The following WDFY3 variants were observed in gnomAD, a reference collection of about 807,000 sequenced individuals.
WDFY3 encodes the protein WD repeat and FYVE domain-containing protein 3.
WDFY3 carries 66 observed loss-of-function variants against 409.6 expected under a neutral mutation model. The observed-to-expected ratio is 0.16, with a 90% CI of 0.13 to 0.20. The LOEUF is 0.20. Ranked by LOEUF, WDFY3 falls within the 10% of genes least tolerant of loss-of-function variation. The pLI is 1.00. For missense variants in WDFY3, 3,031 were observed against 4,298.1 expected (o/e 0.71, Z 8.24); for synonymous variants, 1,521 against 1,537.1 (o/e 0.99, Z 0.25).
intron 30 of WDFY3, among the ~76,000 whole-genome samples, chr4:84,767,384 G>A (rs76082498): frequency 2.2e-3 from 336 of 151,850 alleles, no homozygotes; most frequent in African/African-American, 7.8e-3. Flanking sequence ...CAATAATATC[G>A]AAATTAGACT....
At chr4:84,873,757 T>C (rs1325378731) in intron 3 of WDFY3, among the ~76,000 whole-genome samples, 1 of 151,912 alleles carries the variant, frequency 6.6e-6, no homozygotes, top group Non-Finnish European at 1.5e-5. Context: ...GACTGGTGTC[T>C]TGTTCGTTTT....
Position 84,850,031 on chromosome 4 carries a change from G to A in WDFY3, c.181-6C>T, listed in dbSNP as rs1444194220. 1 of 1,570,868 alleles carries A rather than the reference G, an allele frequency of 6.4e-7. No individual in the cohort carries two copies. Among genetic ancestry groups the A allele is most frequent in the South Asian group, 1.2e-5 (1 of 83,586 alleles). ...GGCGGAGCATTTCCAAAAACCTGTA[G>A]ATAAGAAAAGACATTGTTAATGAAG... is the stretch of plus-strand genomic sequence containing the variant. On this transcript the variant is annotated splice_region_variant and splice_polypyrimidine_tract_variant and intron_variant, in intron 4 of 67. Coordinates refer to ENST00000295888, the MANE Select transcript of WDFY3 (RefSeq NM_014991.6).
intron 17 of WDFY3, among the ~76,000 whole-genome samples, chr4:84,798,990 A>C (rs1750004415): frequency 6.6e-6 from 1 of 152,188 alleles, no homozygotes; most frequent in Non-Finnish European, 1.5e-5. Flanking sequence ...TCCCGCAATC[A>C]TAAATTCTAC....
intron 24 of WDFY3, among the ~76,000 whole-genome samples, chr4:84,785,162 T>C (rs918477028): frequency 2.6e-5 from 4 of 152,050 alleles, no homozygotes; most frequent in African/African-American, 9.7e-5. Flanking sequence ...TCAGAGCCAA[T>C]GTCTTTACAA....
chr4:84,785,358 C>T (rs1239178438), intron 24 of WDFY3, among the ~76,000 whole-genome samples: 3 of 152,088 alleles, frequency 2.0e-5, no homozygotes, highest in Admixed American at 1.3e-4. Context: ...ATAGGTATAT[C>T]CCATGCTCCC....
At chr4:84,825,394 T>C (rs1578694423) in intron 10 of WDFY3, among the ~76,000 whole-genome samples, 1 of 140,352 alleles carries the variant, frequency 7.1e-6, no homozygotes, top group Non-Finnish European at 1.5e-5. Context: ...AGAAAGGGGG[T>C]CTTGCTCTGT....
At chr4:84,787,430 T>C (rs973838232) in intron 23 of WDFY3, 52 bp downstream of exon 23, 270 of 1,537,590 alleles carry the variant, frequency 1.8e-4, no homozygotes, top group Non-Finnish European at 2.3e-4. Context: ...TGCATCTATA[T>C]TGCAGGAGTT....
chr4:84,911,814 G>T (rs1767833979), intron 2 of WDFY3, among the ~76,000 whole-genome samples: 1 of 152,076 alleles, frequency 6.6e-6, no homozygotes, highest in African/African-American at 2.4e-5. Flanking sequence ...AAGTTAAAAT[G>T]TATCAAGACT....
intron 30 of WDFY3, among the ~76,000 whole-genome samples, chr4:84,769,029 T>C: frequency 6.6e-6 from 1 of 152,180 alleles, no homozygotes; most frequent in African/African-American, 2.4e-5. Flanking sequence ...AAGAAGTAAC[T>C]GCAGATGTGG....
chr4:84,829,805 G>C (rs931805923), intron 8 of WDFY3, among the ~76,000 whole-genome samples: 8 of 24,586 alleles, frequency 3.3e-4, no homozygotes, highest in African/African-American at 1.4e-3. Flanking sequence ...GAGCGAGACT[G>C]TCTCAAAATA....
Position 84,725,657 on chromosome 4 carries a change from T to A in WDFY3, c.7273-1063A>T, listed in dbSNP as rs182362245. Among the ~76,000 whole-genome samples, 167 of 152,296 alleles carry A rather than the reference T, an allele frequency of 1.1e-3. 2 individuals are homozygous for A. Among genetic ancestry groups the A allele is most frequent in the African/African-American group, 3.8e-3 (156 of 41,562 alleles). ...TTCCCCTTCTAAATATGACTTTACT[T>A]TCCTATAAACAAGAATATATAATTT... On this transcript the variant is annotated intron_variant, in intron 45 of 67. Transcript: ENST00000295888.
chr4:84,738,455 A>G (rs923946819), intron 40 of WDFY3, among the ~76,000 whole-genome samples: 1 of 152,066 alleles, frequency 6.6e-6, no homozygotes, highest in Non-Finnish European at 1.5e-5. Flanking sequence ...AAAAAAATTA[A>G]GCCAGGCGTG....
rs142161545 is a variant in WDFY3 at position 84,874,519 on chromosome 4, C to A, written c.-31-13897G>T. Among the ~76,000 whole-genome samples, 176 of 152,262 alleles carry A rather than the reference C, an allele frequency of 1.2e-3. 1 individual carries two copies. Among genetic ancestry groups the A allele is most frequent in the African/African-American group, 3.3e-3 (137 of 41,558 alleles). ...TAAATTAAAATACAATTTTCAGCAT[C>A]ATTTACCAGTAAGCCACCACCTCTT... On this transcript the variant is annotated intron_variant, in intron 3 of 67. Coordinates refer to ENST00000295888, the MANE Select transcript of WDFY3 (RefSeq NM_014991.6).
At chr4:84,696,253 G>C in intron 57 of WDFY3, 71 bp from the exon 58 acceptor site, 2 of 1,438,572 alleles carry the variant, frequency 1.4e-6, no homozygotes, top group Non-Finnish European at 1.9e-6. Flanking sequence ...AAAAACCTTG[G>C]TAAGTGGTTA....
intron 10 of WDFY3, among the ~76,000 whole-genome samples, chr4:84,822,305 A>G (rs1424937754): frequency 6.6e-6 from 1 of 152,200 alleles, no homozygotes; most frequent in African/African-American, 2.4e-5. Flanking sequence ...AGTATATGGC[A>G]TTTCCAAGTA....
intron 32 of WDFY3, among the ~76,000 whole-genome samples, chr4:84,760,436 G>T (rs1196610869): frequency 1.3e-5 from 2 of 152,016 alleles, no homozygotes; most frequent in African/African-American, 2.4e-5. Flanking sequence ...TCTGGTCCTG[G>T]ACTCTTTTTG....
In WDFY3 at chr4:84,786,095, A is replaced by G; in HGVS notation, c.3946T>C (p.Leu1316=). 4 of 1,613,310 alleles carry G rather than the reference A, an allele frequency of 2.5e-6. No individual in the cohort carries two copies. The highest frequency in any genetic ancestry group is 2.5e-6 in the Non-Finnish European group (3 of 1,179,668). The change falls in exon 24 of 68, where the codon TTA becomes CTA. Residue 1316 remains leucine, a synonymous_variant. Transcript: ENST00000295888. ...AATGACACTTTCTCCTCTGGTACTA[A>G]TGACACAGGGGATGGCACCACCCCT... The part of the protein sequence containing the change: ...SEGVVPSPVS[L]VPEEKVSFGL...
At chr4:84,718,890 C>T (rs572798486) in intron 47 of WDFY3, among the ~76,000 whole-genome samples, 1 of 152,250 alleles carries the variant, frequency 6.6e-6, no homozygotes, top group South Asian at 2.1e-4. Flanking sequence ...GAGACAGACA[C>T]AGCAAACTTG....
chr4:84,777,006 G>T (rs1578468781), intron 27 of WDFY3, among the ~76,000 whole-genome samples: 1 of 152,176 alleles, frequency 6.6e-6, no homozygotes, highest in Non-Finnish European at 1.5e-5. Flanking sequence ...AGAAAAGGCA[G>T]ACTACGAAAT....
Sources: allele counts gnomAD v4.1 joint callset (sites outside exome capture counted in the v4.1 genomes callset), GRCh38; gene constraint gnomAD v4.1.1; transcripts MANE v1.5; gene names NCBI Gene and HGNC (gene_info 2026-07-23, HGNC 2026-07-21).